Variants in SHB observed in about 807,000 individuals in gnomAD.
The protein encoded by SHB is SH2 domain containing adaptor protein B.
SHB carries 20 observed loss-of-function variants against 52.3 expected under a neutral mutation model. The ratio of observed to expected loss-of-function variants is 0.38; its 90% CI spans 0.27 to 0.56. The LOEUF (loss-of-function observed/expected upper bound fraction) is 0.56, where lower values mean the gene tolerates loss of function less well. Ranked by LOEUF, SHB falls within the 20% of genes least tolerant of loss-of-function variation. The probability of loss-of-function intolerance (pLI) is 0.71; values close to 1 mark genes in which losing one functional copy is unlikely to be tolerated. For missense variants in SHB, 825 were observed against 723.3 expected (o/e 1.14, Z -1.61); for synonymous variants, 397 against 316.5 (o/e 1.25, Z -2.70).
At position 38,045,576 on chromosome 9, in the gene SHB, G is replaced by A. The variant is rs143929031; in HGVS notation, c.717+22353C>T. 4.1e-3 allele frequency among the ~76,000 whole-genome samples: 625 copies of A among 152,114 alleles called. 3 individuals carry two copies. The highest frequency in any genetic ancestry group is 7.7e-3 in the Non-Finnish European group (526 of 67,984). ...CAGTGAGCCGGGATTGTGCCACTGC[G>A]CTTCAGCCTGGACAACAGAGTGAGA... is the stretch of plus-strand genomic sequence containing the variant. On this transcript the variant is annotated intron_variant, in intron 1 of 5. Coordinates refer to ENST00000377707, the MANE Select transcript of SHB (RefSeq NM_003028.3).
At chr9:38,033,992 T>G (rs1023607884) in intron 1 of SHB, among the ~76,000 whole-genome samples, 3 of 152,194 alleles carry the variant, frequency 2.0e-5, no homozygotes, top group African/African-American at 7.2e-5. Flanking sequence ...CATTGATGAA[T>G]GAGCTCGGGT....
chr9:37,945,259 C>T (rs976140760), intron 5 of SHB, among the ~76,000 whole-genome samples: 2 of 152,238 alleles, frequency 1.3e-5, no homozygotes, highest in Non-Finnish European at 2.9e-5. Flanking sequence ...GCCAGGCAAG[C>T]CTTGAGTATT....
At chr9:38,029,640 G>A (rs1466597664) in intron 1 of SHB, among the ~76,000 whole-genome samples, 5 of 151,990 alleles carry the variant, frequency 3.3e-5, no homozygotes, top group East Asian at 1.9e-4. Context: ...ACAGGCACAC[G>A]CCACCACGTC....
At chr9:38,012,418 G>A (rs1821151520) in intron 2 of SHB, among the ~76,000 whole-genome samples, 1 of 152,128 alleles carries the variant, frequency 6.6e-6, no homozygotes, top group South Asian at 2.1e-4. Flanking sequence ...ACTCCAAAGG[G>A]TAATGGTGAG....
rs535263817 is a variant in SHB at position 38,065,705 on chromosome 9, G to C, written c.717+2224C>G. Among the ~76,000 whole-genome samples the C allele has an allele frequency of 3.9e-5, 6 of 152,282 alleles. No homozygotes were observed. In the South Asian group the frequency reaches 1.0e-3, roughly 26 times the overall value. ...CCTAGTAGGTGAAAAGTAACCCAGA[G>C]AGATCTTCTAAAAAACCATATCTGA... On this transcript the variant is annotated intron_variant, in intron 1 of 5. Transcript: ENST00000377707.
intron 1 of SHB, 41 bp from the exon 2 acceptor site, chr9:38,016,172 T>A: frequency 6.2e-7 from 1 of 1,609,384 alleles, no homozygotes; most frequent in Non-Finnish European, 8.5e-7. Flanking sequence ...CACCTTTGGC[T>A]TTTTTGTTTC....
Position 37,916,153 on chromosome 9 carries a change from C to G in SHB, c.*3668G>C, listed in dbSNP as rs1195674832. On this transcript the variant is annotated 3_prime_UTR_variant, in exon 6 of 6. Transcript: ENST00000377707. ...CGTGGGGTTCTGGGAGGTGCGCCCA[C>G]ATCTAAGACTGTGCGCCCTGCACTC... 1.3e-5 allele frequency among the ~76,000 whole-genome samples: 2 copies of G among 152,232 alleles called. No individual in the cohort carries two copies. The highest frequency in any genetic ancestry group is 2.9e-5 in the Non-Finnish European group (2 of 68,048).
At chr9:38,039,406 T>A (rs1301840866) in intron 1 of SHB, among the ~76,000 whole-genome samples, 1 of 152,280 alleles carries the variant, frequency 6.6e-6, no homozygotes, top group East Asian at 1.9e-4. Flanking sequence ...AGCCTGTATG[T>A]GCTGCTGCCA....
At chr9:37,995,342 A>T (rs1554703683) in intron 2 of SHB, among the ~76,000 whole-genome samples, 1 of 130,570 alleles carries the variant, frequency 7.7e-6, no homozygotes, top group South Asian at 2.8e-4. Flanking sequence ...CCTCCCAAGG[A>T]ATCTTTAAAC....
In SHB at chr9:38,068,361, G is replaced by T; in HGVS notation, c.285C>A (p.Pro95=). 1 of 1,569,408 alleles carries T rather than the reference G, an allele frequency of 6.4e-7. No homozygotes were observed. The highest frequency in any genetic ancestry group is 8.6e-7 in the Non-Finnish European group (1 of 1,161,900). ...RAQKERDFED[P]YNGPGSSLRK... ...GCAGCGACGAGCCAGGCCCGTTGTAGGGGTCCTCGAAGTCTCGCTCCTTCT... is the reference window on the plus strand; with the variant it reads ...GCAGCGACGAGCCAGGCCCGTTGTATGGGTCCTCGAAGTCTCGCTCCTTCT... The change falls in exon 1 of 6, where the codon CCC becomes CCA. Residue 95 remains proline, a synonymous_variant. Transcript: ENST00000377707.
At chr9:37,960,697 T>C (rs1018188597) in intron 3 of SHB, among the ~76,000 whole-genome samples, 2 of 152,158 alleles carry the variant, frequency 1.3e-5, no homozygotes, top group Non-Finnish European at 2.9e-5. Flanking sequence ...CCCTTTCTGC[T>C]TGTATGACAG....
intron 2 of SHB, among the ~76,000 whole-genome samples, chr9:38,006,725 G>A (rs778325538): frequency 6.6e-6 from 1 of 152,202 alleles, no homozygotes; most frequent in Non-Finnish European, 1.5e-5. Context: ...CTGTTTGTTG[G>A]GCCCTCACAT....
intron 1 of SHB, among the ~76,000 whole-genome samples, chr9:38,054,620 T>C (rs186769324): frequency 1.1e-3 from 171 of 152,348 alleles, no homozygotes; most frequent in African/African-American, 3.8e-3. Flanking sequence ...AATCTGGCTC[T>C]GTGGGCAGTG....
At chr9:37,992,265 G>A (rs988349750) in intron 2 of SHB, among the ~76,000 whole-genome samples, 1 of 152,048 alleles carries the variant, frequency 6.6e-6, no homozygotes, top group African/African-American at 2.4e-5. Flanking sequence ...GCCAGGTGTG[G>A]TGGTGGTCGC....
At chr9:38,042,110 A>G (rs894975637) in intron 1 of SHB, among the ~76,000 whole-genome samples, 6 of 152,186 alleles carry the variant, frequency 3.9e-5, no homozygotes, top group African/African-American at 1.4e-4. Context: ...CGCAGGCCCT[A>G]GGGTGGGACT....
chr9:38,028,268 A>G (rs1433432883), intron 1 of SHB, among the ~76,000 whole-genome samples: 1 of 152,196 alleles, frequency 6.6e-6, no homozygotes, highest in Non-Finnish European at 1.5e-5. Flanking sequence ...TCAGCCTGGC[A>G]GCTTCAAGGA....
intron 1 of SHB, among the ~76,000 whole-genome samples, chr9:38,062,828 T>C (rs573269047): frequency 5.3e-4 from 81 of 152,360 alleles, no homozygotes; most frequent in African/African-American, 1.8e-3. Flanking sequence ...AAAGTTTTAT[T>C]GGGATACAGC....
chr9:37,924,139 G>A (rs1285477955), intron 5 of SHB, among the ~76,000 whole-genome samples: 1 of 152,172 alleles, frequency 6.6e-6, no homozygotes, highest in East Asian at 1.9e-4. Flanking sequence ...CCTGTCTAAT[G>A]AGTCTTGTAA....
At chr9:37,941,139 C>T (rs1304764824) in intron 5 of SHB, among the ~76,000 whole-genome samples, 1 of 152,136 alleles carries the variant, frequency 6.6e-6, no homozygotes, top group Non-Finnish European at 1.5e-5. Flanking sequence ...AACCCATCAT[C>T]GTAAAGGACA....
Sources: allele counts gnomAD v4.1 joint callset (sites outside exome capture counted in the v4.1 genomes callset), GRCh38; gene constraint gnomAD v4.1.1; transcripts MANE v1.5; gene names NCBI Gene and HGNC (gene_info 2026-07-23, HGNC 2026-07-21).